Variants in NXPH1 observed in about 807,000 individuals in gnomAD.
The protein encoded by NXPH1 is neurexophilin-1.
A neutral mutation model predicts 23.7 loss-of-function variants in NXPH1; 5 were observed. The ratio of observed to expected loss-of-function variants is 0.21; its 90% confidence interval spans 0.11 to 0.44. The LOEUF (loss-of-function observed/expected upper bound fraction) is 0.44, where lower values mean the gene tolerates loss of function less well. NXPH1 is among the 20% of genes least tolerant of loss of function. The probability of loss-of-function intolerance (pLI) is 0.99; values close to 1 mark genes in which losing one functional copy is unlikely to be tolerated. For missense variants in NXPH1, 324 were observed against 321.6 expected (o/e 1.01, Z -0.06); for synonymous variants, 144 against 122.2 (o/e 1.18, Z -1.18).
At chr7:8,552,370 A>T (rs935664098) in intron 2 of NXPH1, among the ~76,000 whole-genome samples, 31 of 150,866 alleles carry the variant, frequency 2.1e-4, no homozygotes, top group African/African-American at 6.8e-4. Flanking sequence ...GGCTGTCTTA[A>T]TTTTTTTTTC....
chr7:8,548,467 A>C (rs1022946706), intron 2 of NXPH1, among the ~76,000 whole-genome samples: 1 of 151,572 alleles, frequency 6.6e-6, no homozygotes, highest in Non-Finnish European at 1.5e-5. Flanking sequence ...TGACTTAGTT[A>C]ACTTGTGAGT....
At chr7:8,556,167 C>A (rs1584229889) in intron 2 of NXPH1, among the ~76,000 whole-genome samples, 1 of 151,532 alleles carries the variant, frequency 6.6e-6, no homozygotes, top group Admixed American at 6.6e-5. Flanking sequence ...TTATAATGGG[C>A]CCCAACTCAG....
At chr7:8,702,948 G>A (rs1033745188) in intron 2 of NXPH1, among the ~76,000 whole-genome samples, 1 of 152,096 alleles carries the variant, frequency 6.6e-6, no homozygotes, top group African/African-American at 2.4e-5. Flanking sequence ...CTGTGGTACA[G>A]GGATAGGATT....
At chr7:8,475,564 G>A (rs780176553) in intron 2 of NXPH1, among the ~76,000 whole-genome samples, 1 of 152,140 alleles carries the variant, frequency 6.6e-6, no homozygotes, top group Admixed American at 6.6e-5. Flanking sequence ...TAAAGTGGAT[G>A]TCTTCATATG....
chr7:8,567,101 C>T (rs1818560775), intron 2 of NXPH1, among the ~76,000 whole-genome samples: 1 of 151,814 alleles, frequency 6.6e-6, no homozygotes, highest in African/African-American at 2.4e-5. Flanking sequence ...TATACACTTC[C>T]TACTAACTGG....
intron 2 of NXPH1, among the ~76,000 whole-genome samples, chr7:8,732,056 T>A (rs1253199871): frequency 6.6e-6 from 1 of 152,264 alleles, no homozygotes; most frequent in Non-Finnish European, 1.5e-5. Flanking sequence ...CGCCATTTTT[T>A]AAGCCCGTCG....
chr7:8,552,113 C>A (rs57683923), intron 2 of NXPH1, among the ~76,000 whole-genome samples: 52,551 of 91,408 alleles, frequency 0.57, 11,345 homozygotes, highest in East Asian at 0.66. Flanking sequence ...AGAAAAAAAA[C>A]CAAAAAAAAA....
At chr7:8,466,800 C>T (rs542777633) in intron 2 of NXPH1, among the ~76,000 whole-genome samples, 10 of 152,174 alleles carry the variant, frequency 6.6e-5, no homozygotes, top group African/African-American at 1.7e-4. Context: ...TTTCTGTTTC[C>T]GACCTGCCCC....
chr7:8,476,542 T>C (rs923177578), intron 2 of NXPH1, among the ~76,000 whole-genome samples: 1 of 152,000 alleles, frequency 6.6e-6, no homozygotes, highest in Non-Finnish European at 1.5e-5. Context: ...TTCATATAGA[T>C]TCATATTTGG....
At chr7:8,535,415 A>G (rs905815544) in intron 2 of NXPH1, among the ~76,000 whole-genome samples, 2 of 152,074 alleles carry the variant, frequency 1.3e-5, no homozygotes, top group African/African-American at 4.8e-5. Context: ...AACCTTGGCT[A>G]TTAACAAAAA....
chr7:8,617,710 A>T (rs1336602371), intron 2 of NXPH1, among the ~76,000 whole-genome samples: 1 of 152,142 alleles, frequency 6.6e-6, no homozygotes, highest in Non-Finnish European at 1.5e-5. Flanking sequence ...TAGAAAGAAC[A>T]AATAAAACCT....
intron 2 of NXPH1, among the ~76,000 whole-genome samples, chr7:8,492,200 T>A (rs1220575655): frequency 6.6e-6 from 1 of 152,112 alleles, no homozygotes; most frequent in African/African-American, 2.4e-5. Flanking sequence ...TTTTAGATTT[T>A]TTCCTTTTGT....
intron 2 of NXPH1, among the ~76,000 whole-genome samples, chr7:8,481,083 G>A (rs1320370988): frequency 6.6e-6 from 1 of 152,136 alleles, no homozygotes; most frequent in Non-Finnish European, 1.5e-5. Context: ...AACCACAGCA[G>A]CCTCTTTTGT....
intron 2 of NXPH1, among the ~76,000 whole-genome samples, chr7:8,546,780 C>T (rs552310874): frequency 1.8e-4 from 28 of 151,500 alleles, no homozygotes; most frequent in Admixed American, 5.9e-4. Context: ...TTAGTATCTG[C>T]TAATTGGTGC....
At chr7:8,490,409 TG>T (rs1337502256) in intron 2 of NXPH1, among the ~76,000 whole-genome samples, 3 of 146,206 alleles carry the variant, frequency 2.1e-5, no homozygotes, top group Non-Finnish European at 4.4e-5. Context: ...ATACACAGGC[TG>T]TTTTTTTTTT....
intron 2 of NXPH1, among the ~76,000 whole-genome samples, chr7:8,593,016 C>T (rs190086748): frequency 3.9e-5 from 6 of 152,016 alleles, no homozygotes; most frequent in Admixed American, 2.0e-4. Flanking sequence ...TTGTTTATAG[C>T]CAACCCAGGT....
chr7:8,672,735 C>G (rs1006433927), intron 2 of NXPH1, among the ~76,000 whole-genome samples: 1 of 152,208 alleles, frequency 6.6e-6, no homozygotes, highest in African/African-American at 2.4e-5. Flanking sequence ...TATACGAACA[C>G]TGTGTGCTAA....
At chr7:8,474,100 C>T (rs546850328) in intron 2 of NXPH1, among the ~76,000 whole-genome samples, 5 of 152,200 alleles carry the variant, frequency 3.3e-5, no homozygotes, top group Middle Eastern at 3.4e-3. Flanking sequence ...AATATAACCT[C>T]GTGAATTTTA....
chr7:8,571,351 C>T (rs897116117), intron 2 of NXPH1, among the ~76,000 whole-genome samples: 32 of 151,436 alleles, frequency 2.1e-4, no homozygotes, highest in African/African-American at 7.0e-4. Context: ...GGATGCCCAT[C>T]GAGAATATGT....
Sources: allele counts gnomAD v4.1 joint callset (sites outside exome capture counted in the v4.1 genomes callset), GRCh38; gene constraint gnomAD v4.1.1; transcripts MANE v1.5; gene names NCBI Gene and HGNC (gene_info 2026-07-23, HGNC 2026-07-21).